NPC1: variants seen among roughly 807,000 people sequenced by gnomAD.
NPC1 encodes Niemann-Pick C1 protein.
In NPC1, 85 loss-of-function variants were observed where a neutral mutation model predicts 140.4. That is an observed-to-expected ratio of 0.61 (90% CI 0.51 to 0.72). The LOEUF is 0.72. Ranked by LOEUF, NPC1 falls within the 30% of genes least tolerant of loss-of-function variation. The pLI, the probability that NPC1 is intolerant of heterozygous loss-of-function variation, is 0.00. For missense variants in NPC1, 1,504 were observed against 1,623.8 expected, an observed-to-expected ratio of 0.93 and a Z score of 1.27; for synonymous variants, 656 against 624.8, an observed-to-expected ratio of 1.05 and a Z score of -0.74.
rs754260652 is a variant in NPC1, at chr18:23,509,259, C to A, written c.432-2617G>T. The A allele has an allele frequency of 7.6e-6, 11 of 1,445,964 alleles. No individual in the cohort carries two copies. The South Asian group carries it at 1.7e-4, about 22-fold the overall frequency. The allele number at this position is 1,445,964 out of a possible 1,614,324, so 89.6% of individuals were successfully genotyped here. A position where few individuals can be genotyped will look rare whatever the true frequency, so the allele number is the denominator to read the frequency against. ...AACTGAAATTGTCTTCATAACAGAT[C>A]AAGGAATCGAATTTTACCAGGTATT... On this transcript the variant is annotated intron_variant, in intron 3 of 3. Coordinates refer to the NPC1 transcript ENST00000591107.
intron 3 of NPC1, chr18:23,515,815 G>GT (rs768721439): frequency 1.9e-6 from 3 of 1,611,734 alleles, no homozygotes; most frequent in East Asian, 2.2e-5. Context: ...TTAGTTTGCC[G>GT]TTTTTTAAAT....
Position 23,541,342 on chromosome 18 carries a change from G to A in NPC1, c.2337C>T (p.Phe779=), listed in dbSNP as rs367654655. The A allele has an allele frequency of 2.4e-5, 39 of 1,614,216 alleles. No homozygotes were observed. The highest frequency in any genetic ancestry group is 3.3e-5 in the Admixed American group (2 of 60,026). Residue 779 remains phenylalanine (F), a synonymous_variant, in exon 15 of 25, where the codon TTC becomes TTT. Transcript: ENST00000269228. ...FIDFLLQITC[F]VSLLGLDIKR... ...TAATGTCTAACCCCAAGAGACTCAC[G>A]AAACAGGTAATCTGCAGAAGAAAGT... is the stretch of plus-strand genomic sequence containing the variant.
At position 23,560,529 on chromosome 18, in the gene NPC1, A is replaced by G. The variant is rs554149666; in HGVS notation, c.632-49T>C. On this transcript the variant is annotated intron_variant, in intron 5 of 24. Coordinates refer to ENST00000269228, the MANE Select transcript of NPC1 (RefSeq NM_000271.5). ...TACAAATCTCAATTAAAAACATCCA[A>G]AATTTTGTATTATACTTAAACTCAA... is the stretch of plus-strand genomic sequence containing the variant. 16 of 1,602,286 alleles carry G rather than the reference A, an allele frequency of 1.0e-5. No homozygotes were observed. The South Asian group carries it at 1.7e-4, about 17-fold the overall frequency.
intron 10 of NPC1, among the ~76,000 whole-genome samples, chr18:23,548,876 G>A (rs1259373345): frequency 6.6e-6 from 1 of 151,950 alleles, no homozygotes; most frequent in Non-Finnish European, 1.5e-5. Context: ...TTGTGGCCTT[G>A]ACCACCCGAA....
intron 4 of NPC1, among the ~76,000 whole-genome samples, chr18:23,563,288 G>T (rs1330945384): frequency 6.6e-6 from 1 of 152,190 alleles, no homozygotes; most frequent in Non-Finnish European, 1.5e-5. Flanking sequence ...AAATATCTGA[G>T]TTGTTTCCAC....
chr18:23,554,499 A>G (rs2058920202), intron 9 of NPC1, among the ~76,000 whole-genome samples: 1 of 151,984 alleles, frequency 6.6e-6, no homozygotes, highest in African/African-American at 2.4e-5. Context: ...CTAGCTACTC[A>G]GGAGGCTGAG....
chr18:23,526,887 T>TGTGAGGG, downstream of NPC1: 2 of 1,328,998 alleles, frequency 1.5e-6, no homozygotes, highest in Non-Finnish European at 2.0e-6. Flanking sequence ...TCATTCTTTA[T>TGTGAGGG]GTGAGGGGTG....
chr18:23,572,733 C>T (rs531244551), intron 2 of NPC1, among the ~76,000 whole-genome samples: 2 of 152,234 alleles, frequency 1.3e-5, no homozygotes, highest in Admixed American at 1.3e-4. Flanking sequence ...ACTTGGGACG[C>T]TGAGTTGAGA....
intron 20 of NPC1, among the ~76,000 whole-genome samples, chr18:23,537,777 T>G (rs1266310447): frequency 6.6e-6 from 1 of 152,196 alleles, no homozygotes; most frequent in Non-Finnish European, 1.5e-5. Flanking sequence ...AGTGAGTAAA[T>G]CAAGCTGCAA....
intron 1 of NPC1, among the ~76,000 whole-genome samples, chr18:23,577,919 C>T (rs1267659309): frequency 6.6e-6 from 1 of 152,252 alleles, no homozygotes; most frequent in Non-Finnish European, 1.5e-5. Context: ...TGGCTGGCTG[C>T]TCCGAGTGTG....
At chr18:23,516,372 C>T (rs759368123) in intron 3 of NPC1, 12 of 1,614,108 alleles carry the variant, frequency 7.4e-6, no homozygotes, top group South Asian at 2.2e-5. Context: ...CCAGCTGCGC[C>T]TAAGTCAACT....
intron 3 of NPC1, among the ~76,000 whole-genome samples, chr18:23,507,329 G>A (rs1033970250): frequency 2.0e-5 from 3 of 151,988 alleles, no homozygotes; most frequent in East Asian, 1.9e-4. Context: ...ATGTGATCTC[G>A]GCTCACTGCA....
downstream of NPC1, chr18:23,530,415 TAGA>T: frequency 2.5e-6 from 4 of 1,614,258 alleles, no homozygotes; most frequent in Non-Finnish European, 3.4e-6. Flanking sequence ...GATGAAATAG[TAGA>T]AGTTCTCCTT....
intron 9 of NPC1, among the ~76,000 whole-genome samples, chr18:23,552,302 T>A (rs537023562): frequency 6.6e-5 from 10 of 151,138 alleles, no homozygotes; most frequent in Admixed American, 1.3e-4. Context: ...AAAAAAAAAA[T>A]AATAATAATT....
At chr18:23,521,084 A>G (rs1340945166), downstream of NPC1, among the ~76,000 whole-genome samples, 1 of 151,904 alleles carries the variant, frequency 6.6e-6, no homozygotes, top group Non-Finnish European at 1.5e-5. Flanking sequence ...TGAACTCCTG[A>G]CCTCAGGTGA....
Position 23,551,652 on chromosome 18 carries a change from C to T in NPC1, c.1629G>A (p.Pro543=), listed in dbSNP as rs557129077. The part of the protein sequence containing the change: ...CLGTFGGPVF[P]WLVLGGYDDQ... ...CATCATAGCCTCCCAACACAAGCCA[C>T]GGGAACACTGGTCCACCAAACGTAC... Residue 543 remains proline (P), a synonymous_variant, in exon 10 of 25, where the codon CCG becomes CCA. Transcript: ENST00000269228. 1.5e-5 allele frequency: 25 copies of T among 1,613,822 alleles called. No individual in the cohort carries two copies. Among genetic ancestry groups the T allele is most frequent in the Admixed American group, 8.3e-5 (5 of 60,032 alleles).
chr18:23,544,263 C>T, intron 13 of NPC1, 81 bp downstream of exon 13: 1 of 1,356,048 alleles, frequency 7.4e-7, no homozygotes, highest in Non-Finnish European at 1.0e-6. Flanking sequence ...AGGTCACACT[C>T]ACGAATGCGG....
At chr18:23,526,860 G>C, downstream of NPC1, 1 of 1,489,130 alleles carries the variant, frequency 6.7e-7, no homozygotes, top group Non-Finnish European at 9.0e-7. Flanking sequence ...GTTGTGTCTT[G>C]TCTGTGACCC....
At chr18:23,560,182 G>C in intron 6 of NPC1, 49 bp downstream of exon 6, 1 of 1,611,858 alleles carries the variant, frequency 6.2e-7, no homozygotes, top group Non-Finnish European at 8.5e-7. Context: ...CAAAGTGCCA[G>C]TGGGCAATTT....
Sources: allele counts gnomAD v4.1 joint callset (sites outside exome capture counted in the v4.1 genomes callset), GRCh38; gene constraint gnomAD v4.1.1; transcripts MANE v1.5; gene names NCBI Gene and HGNC (gene_info 2026-07-23, HGNC 2026-07-21).